PRKCE: variants seen among roughly 807,000 people sequenced by gnomAD.
PRKCE encodes the protein protein kinase C epsilon.
Under a neutral mutation model 85.4 loss-of-function variants are expected in PRKCE, and 16 were observed. The ratio of observed to expected loss-of-function variants is 0.19; its 90% CI spans 0.13 to 0.28. PRKCE has a LOEUF of 0.28. PRKCE is among the 10% of genes least tolerant of loss of function. The pLI is 1.00. For synonymous variants in PRKCE, 388 were observed against 371.5 expected, an observed-to-expected ratio of 1.04 and a Z score of -0.51; for missense variants, 573 against 975.2, an observed-to-expected ratio of 0.59 and a Z score of 5.49.
intron 10 of PRKCE, among the ~76,000 whole-genome samples, chr2:46,023,620 C>T (rs1464923703): frequency 6.6e-6 from 1 of 152,226 alleles, no homozygotes; most frequent in Non-Finnish European, 1.5e-5. Context: ...GGGCTAGCCA[C>T]AAGATTCCAG....
chr2:45,794,854 C>CG (rs974215530), intron 1 of PRKCE, among the ~76,000 whole-genome samples: 9 of 151,308 alleles, frequency 5.9e-5, no homozygotes, highest in African/African-American at 1.9e-4. Context: ...TACCCCCCCC[C>CG]CCATCCACCA....
At chr2:45,903,114 A>G (rs528177840) in intron 2 of PRKCE, among the ~76,000 whole-genome samples, 2 of 152,330 alleles carry the variant, frequency 1.3e-5, no homozygotes, top group East Asian at 3.9e-4. Flanking sequence ...TTTAGTGTGA[A>G]TCACTATCAA....
intron 1 of PRKCE, among the ~76,000 whole-genome samples, chr2:45,770,475 G>T (rs1342574337): frequency 6.6e-6 from 1 of 152,174 alleles, no homozygotes; most frequent in Non-Finnish European, 1.5e-5. Context: ...GGCCACTTGT[G>T]TTTCTGGAGC....
intron 11 of PRKCE, among the ~76,000 whole-genome samples, chr2:46,135,179 C>A (rs1485989117): frequency 6.6e-6 from 1 of 152,194 alleles, no homozygotes; most frequent in Admixed American, 6.5e-5. Context: ...GAGAGGACAT[C>A]TATTTGATCA....
chr2:45,863,537 C>T (rs569596249), intron 2 of PRKCE, among the ~76,000 whole-genome samples: 8 of 152,162 alleles, frequency 5.3e-5, no homozygotes, highest in South Asian at 2.1e-4. Context: ...TAGGTGCTCA[C>T]GGGCCAACCC....
chr2:45,854,336 A>C (rs74491919), intron 2 of PRKCE, among the ~76,000 whole-genome samples: 1,646 of 152,282 alleles, frequency 0.011, 32 homozygotes, highest in African/African-American at 0.037. Context: ...GAGACAGATC[A>C]CCAAAACCCA....
intron 2 of PRKCE, among the ~76,000 whole-genome samples, chr2:45,854,736 G>A (rs1692543929): frequency 6.6e-6 from 1 of 152,214 alleles, no homozygotes; most frequent in Non-Finnish European, 1.5e-5. Context: ...CAGGGAGCCA[G>A]ACCCAATTAT....
At chr2:46,119,789 C>T (rs191478705) in intron 11 of PRKCE, among the ~76,000 whole-genome samples, 1 of 152,300 alleles carries the variant, frequency 6.6e-6, no homozygotes, top group East Asian at 1.9e-4. Context: ...GAGGAACACT[C>T]CACCCAGTGT....
At chr2:46,104,598 G>A (rs1671546479) in intron 11 of PRKCE, among the ~76,000 whole-genome samples, 1 of 152,072 alleles carries the variant, frequency 6.6e-6, no homozygotes, top group Non-Finnish European at 1.5e-5. Context: ...CTCTTATTAA[G>A]AGGCTAAATT....
intron 13 of PRKCE, 148 bp downstream of exon 13, chr2:46,151,377 C>T (rs915411277): frequency 5.5e-5 from 48 of 873,262 alleles, no homozygotes; most frequent in Non-Finnish European, 6.1e-5. Context: ...TGCTCATCAC[C>T]ACGGAATGGG....
intron 14 of PRKCE, among the ~76,000 whole-genome samples, chr2:46,165,240 G>A (rs771717570): frequency 6.6e-6 from 1 of 152,116 alleles, no homozygotes; most frequent in South Asian, 2.1e-4. Flanking sequence ...GCTCTCTTAC[G>A]TACTCTCCCT....
At chr2:46,025,215 C>T (rs1240191931) in intron 10 of PRKCE, among the ~76,000 whole-genome samples, 1 of 152,176 alleles carries the variant, frequency 6.6e-6, no homozygotes, top group Non-Finnish European at 1.5e-5. Flanking sequence ...GACTGAGGTG[C>T]AGCAGTGCTA....
chr2:45,911,726 G>C (rs1697394257), intron 2 of PRKCE, among the ~76,000 whole-genome samples: 1 of 152,222 alleles, frequency 6.6e-6, no homozygotes, highest in African/African-American at 2.4e-5. Context: ...ACGGTCACAG[G>C]TGACAAAGGT....
intron 1 of PRKCE, chr2:45,677,960 T>A: frequency 3.4e-6 from 3 of 889,280 alleles, no homozygotes; most frequent in Non-Finnish European, 4.0e-6. Context: ...TGTCTGCCAC[T>A]GTGATGTAAA....
chr2:46,004,253 G>C lies in PRKCE; in HGVS notation c.967-289G>C. ...TTTGGATGGGGTTGGATCAAACATT[G>C]TACCTCTGTCTCAGCTCTTTGGAAT... is the stretch of plus-strand genomic sequence containing the variant. On this transcript the variant is annotated intron_variant, in intron 7 of 14. Transcript: ENST00000306156. The surrounding 1 kb of genome is among the most constrained non-coding windows in gnomAD (Gnocchi z 4.1). The C allele has an allele frequency of 1.3e-5, 5 of 384,848 alleles. No homozygotes were observed. Among genetic ancestry groups the C allele is most frequent in the Non-Finnish European group, 2.5e-5 (5 of 199,760 alleles). The allele number at this position is 384,848 out of a possible 1,614,324, so 23.8% of individuals were successfully genotyped here.
intron 2 of PRKCE, among the ~76,000 whole-genome samples, chr2:45,846,622 G>A (rs762329668): frequency 6.6e-6 from 1 of 152,172 alleles, no homozygotes; most frequent in Non-Finnish European, 1.5e-5. Flanking sequence ...GGGAACAGGA[G>A]GCACCCTGTT....
chr2:45,930,982 C>T (rs535363748), intron 2 of PRKCE, among the ~76,000 whole-genome samples: 2 of 152,220 alleles, frequency 1.3e-5, no homozygotes, highest in South Asian at 4.2e-4. Flanking sequence ...TAATTGTGTC[C>T]CTGATCCTTC....
At chr2:45,852,644 T>C (rs1402148310) in intron 2 of PRKCE, among the ~76,000 whole-genome samples, 2 of 152,192 alleles carry the variant, frequency 1.3e-5, no homozygotes, top group African/African-American at 4.8e-5. Context: ...TCAGGGCTTC[T>C]TCTAGCTCTA....
intron 2 of PRKCE, among the ~76,000 whole-genome samples, chr2:45,919,325 G>A (rs1349116581): frequency 6.6e-6 from 1 of 152,222 alleles, no homozygotes; most frequent in Non-Finnish European, 1.5e-5. Flanking sequence ...GACTCTGCAG[G>A]CTTGGAGACG....
Sources: allele counts gnomAD v4.1 joint callset (sites outside exome capture counted in the v4.1 genomes callset), GRCh38; gene constraint gnomAD v4.1.1; non-coding constraint Gnocchi (gnomAD v3.1); transcripts MANE v1.5; gene names NCBI Gene and HGNC (gene_info 2026-07-23, HGNC 2026-07-21).